Variants in CFI observed in about 807,000 individuals in gnomAD.
CFI encodes C3B/C4B inactivator.
A neutral mutation model predicts 78.8 loss-of-function variants in CFI; 66 were observed. That is an observed-to-expected ratio of 0.84 (90% CI 0.69 to 1.03). The LOEUF is 1.03. Ranked by LOEUF, CFI falls within the 50% of genes least tolerant of loss-of-function variation. The pLI is 0.00. For missense variants in CFI, 706 were observed against 704.5 expected, an observed-to-expected ratio of 1.00 and a Z score of -0.02; for synonymous variants, 250 against 232.6, an observed-to-expected ratio of 1.07 and a Z score of -0.68.
chr4:109,799,712 A>C (rs1263996236), intron 1 of CFI, among the ~76,000 whole-genome samples: 1 of 152,252 alleles, frequency 6.6e-6, no homozygotes, highest in East Asian at 1.9e-4. Flanking sequence ...AAATTGCTTT[A>C]ACATTTGCAA....
chr4:109,742,148 A>T (rs1723877048), intron 12 of CFI: 1 of 272,864 alleles, frequency 3.7e-6, no homozygotes, highest in African/African-American at 2.2e-5. Context: ...CAGATGCCTT[A>T]TCTATGATCT....
At chr4:109,769,949 A>G (rs1270803361) in intron 1 of CFI, among the ~76,000 whole-genome samples, 1 of 152,140 alleles carries the variant, frequency 6.6e-6, no homozygotes, top group Non-Finnish European at 1.5e-5. Flanking sequence ...CTCAGACTTC[A>G]GGGAACACAT....
chr4:109,765,338 T>C (rs1358108639), intron 2 of CFI, among the ~76,000 whole-genome samples: 1 of 152,208 alleles, frequency 6.6e-6, no homozygotes, highest in Non-Finnish European at 1.5e-5. Flanking sequence ...CCTTAGGTAA[T>C]GAAGTGTCTG....
At chr4:109,799,171 A>G (rs1732440629) in intron 1 of CFI, among the ~76,000 whole-genome samples, 1 of 152,074 alleles carries the variant, frequency 6.6e-6, no homozygotes, top group African/African-American at 2.4e-5. Context: ...CTAATTTTCC[A>G]TAGGATCTTA....
chr4:109,734,951 GCTTT>G, the CFI span, among the ~76,000 whole-genome samples: 5 of 152,204 alleles, frequency 3.3e-5, no homozygotes, highest in Admixed American at 2.0e-4. Flanking sequence ...GCCAAGACTG[GCTTT>G]CTTTTCTTTT....
chr4:109,775,868 C>A (rs1250116272), intron 1 of CFI, among the ~76,000 whole-genome samples: 2 of 152,306 alleles, frequency 1.3e-5, no homozygotes, highest in South Asian at 2.1e-4. Context: ...GATACCCAGG[C>A]AAACAGGGTC....
At chr4:109,766,884 G>A (rs541278969) in intron 1 of CFI, 60 bp from the exon 2 acceptor site, 4 of 1,569,084 alleles carry the variant, frequency 2.5e-6, no homozygotes, top group Admixed American at 1.7e-5. Flanking sequence ...GTTTGAAGAT[G>A]AGTAAGTGAA....
At chr4:109,759,938 C>CAAAA (rs1217292045) in intron 6 of CFI, among the ~76,000 whole-genome samples, 2 of 151,718 alleles carry the variant, frequency 1.3e-5, no homozygotes, top group Non-Finnish European at 2.9e-5. Context: ...AACAAACATA[C>CAAAA]AAACAAACAA....
At chr4:109,764,754 G>C (rs1310276651) in intron 2 of CFI, 64 bp from the exon 3 acceptor site, 1 of 1,452,208 alleles carries the variant, frequency 6.9e-7, no homozygotes, top group African/African-American at 1.4e-5. Context: ...TTAATTAAAA[G>C]TCTTTAAAAA....
chr4:109,788,580 G>A (rs1314638509), intron 1 of CFI, among the ~76,000 whole-genome samples: 1 of 151,802 alleles, frequency 6.6e-6, no homozygotes, highest in Non-Finnish European at 1.5e-5. Context: ...CACTTTATCT[G>A]GAATATGAAT....
chr4:109,772,168 A>G (rs1230791652), intron 1 of CFI, among the ~76,000 whole-genome samples: 1 of 152,252 alleles, frequency 6.6e-6, no homozygotes, highest in Non-Finnish European at 1.5e-5. Context: ...CTGTTGAAAA[A>G]TAGCTGGGCA....
At chr4:109,761,781 T>C in intron 3 of CFI, 89 bp from the exon 4 acceptor site, 3 of 1,065,850 alleles carry the variant, frequency 2.8e-6, no homozygotes, top group Non-Finnish European at 2.9e-6. Flanking sequence ...ACTAGAGTAA[T>C]GTCCTCTCAT....
rs191407376 is a variant in CFI, at chr4:109,745,827, A to G, written c.1429+395T>C. Among the ~76,000 whole-genome samples the G allele has an allele frequency of 1.9e-3, 296 of 152,194 alleles. 2 individuals are homozygous for G. Among genetic ancestry groups the G allele is most frequent in the African/African-American group, 6.9e-3 (288 of 41,540 alleles). ...CCATGCTGTATGTCTCCCTGTCTCT[A>G]TATTTTTTTCTTGGTGAATGGCTAC... is the stretch of plus-strand genomic sequence containing the variant. On this transcript the variant is annotated intron_variant, in intron 11 of 12. Transcript: ENST00000394634.
At chr4:109,779,111 T>C (rs1212114450) in intron 1 of CFI, among the ~76,000 whole-genome samples, 1 of 152,130 alleles carries the variant, frequency 6.6e-6, no homozygotes, top group Admixed American at 6.5e-5. Context: ...CTATTCAACA[T>C]AGTGTTGGAA....
chr4:109,768,031 G>C (rs1339284086), intron 1 of CFI, among the ~76,000 whole-genome samples: 7 of 147,582 alleles, frequency 4.7e-5, no homozygotes, highest in Non-Finnish European at 8.9e-5. Context: ...CTATTGCAAG[G>C]ACAAAAAACC....
At chr4:109,787,575 A>G (rs1235308540) in intron 1 of CFI, among the ~76,000 whole-genome samples, 1 of 152,090 alleles carries the variant, frequency 6.6e-6, no homozygotes, top group Non-Finnish European at 1.5e-5. Flanking sequence ...AATTCACATA[A>G]GAAATTTGAT....
At position 109,750,588 on chromosome 4, in the gene CFI, C is replaced by T. The variant is rs190731664; in HGVS notation, c.941-986G>A. Reference sequence around the variant, plus strand: ...CTGGCGCATTTGTCATGAGAAAACACGGTAGAGCAAAGTTTATGACCTGAA... The same window carrying T: ...CTGGCGCATTTGTCATGAGAAAACATGGTAGAGCAAAGTTTATGACCTGAA... On this transcript the variant is annotated intron_variant, in intron 8 of 12. Coordinates refer to ENST00000394634, the MANE Select transcript of CFI (RefSeq NM_000204.5). Among the ~76,000 whole-genome samples the T allele has an allele frequency of 2.9e-4, 44 of 152,102 alleles. 1 individual carries two copies. Among genetic ancestry groups the T allele is most frequent in the African/African-American group, 1.0e-3 (43 of 41,488 alleles).
rs1369196099 is a variant in CFI at position 109,742,541 on chromosome 4, C to G, written c.1484G>C (p.Cys495Ser). 2 of 1,613,782 alleles carry G rather than the reference C, an allele frequency of 1.2e-6. No homozygotes were observed. Among genetic ancestry groups the G allele is most frequent in the Non-Finnish European group, 1.7e-6 (2 of 1,179,754 alleles). ...GAAACGATTTCCGTAAAACTTAGAG[C>G]AGTTGCTTATTAGTTTAACTTCACC... ...QWGEVKLISN[C>S]SKFYGNRFYE... Residue 495 changes from cysteine to serine, a missense_variant, in exon 12 of 13, where the codon TGC becomes TCC. Transcript: ENST00000394634.
intron 1 of CFI, among the ~76,000 whole-genome samples, chr4:109,792,567 A>C (rs904110031): frequency 2.2e-4 from 33 of 152,120 alleles, no homozygotes; most frequent in African/African-American, 3.9e-4. Flanking sequence ...AAACAAAAAC[A>C]AAAACAAAAA....
Sources: allele counts gnomAD v4.1 joint callset (sites outside exome capture counted in the v4.1 genomes callset), GRCh38; gene constraint gnomAD v4.1.1; transcripts MANE v1.5; gene names NCBI Gene and HGNC (gene_info 2026-07-23, HGNC 2026-07-21).